DGKB: variants seen among roughly 807,000 people sequenced by gnomAD.
The protein encoded by DGKB is diacylglycerol kinase beta.
DGKB carries 67 observed loss-of-function variants against 114.3 expected under a neutral mutation model. That is an observed-to-expected ratio of 0.59 (90% CI 0.48 to 0.72). The LOEUF is 0.72. Among genes scored for constraint, DGKB ranks in the 30% least tolerant of loss-of-function variants. DGKB has a pLI of 0.00. For missense variants in DGKB, 907 were observed against 975.2 expected (o/e 0.93, Z 0.93); for synonymous variants, 398 against 323.1 (o/e 1.23, Z -2.49).
chr7:14,861,602 C>G (rs1337767842), intron 1 of DGKB, among the ~76,000 whole-genome samples: 1 of 151,878 alleles, frequency 6.6e-6, no homozygotes, highest in African/African-American at 2.4e-5. Flanking sequence ...GTTTGCCTGT[C>G]TCTTAAAGCA....
intron 5 of DGKB, among the ~76,000 whole-genome samples, chr7:14,724,804 T>C (rs377072048): frequency 6.6e-6 from 1 of 152,182 alleles, no homozygotes; most frequent in Non-Finnish European, 1.5e-5. Flanking sequence ...AGACAAATCA[T>C]CTCATTCCAA....
intron 25 of DGKB, among the ~76,000 whole-genome samples, chr7:14,168,996 G>A (rs1236994331): frequency 6.6e-6 from 1 of 152,010 alleles, no homozygotes; most frequent in Non-Finnish European, 1.5e-5. Flanking sequence ...ATTAATTCAG[G>A]CAATCTGACT....
chr7:14,776,831 G>A (rs1364787664), intron 2 of DGKB, among the ~76,000 whole-genome samples: 1 of 152,212 alleles, frequency 6.6e-6, no homozygotes, highest in Non-Finnish European at 1.5e-5. Flanking sequence ...GCTGCGAGAA[G>A]TGTGCCACCA....
chr7:14,340,160 T>C (rs1454735383), intron 22 of DGKB, among the ~76,000 whole-genome samples: 1 of 25,660 alleles, frequency 3.9e-5, no homozygotes, highest in Non-Finnish European at 7.2e-5. Context: ...TGGATGATGC[T>C]TTTTTTTTTT....
chr7:14,304,145 A>T (rs1442759324), intron 23 of DGKB, among the ~76,000 whole-genome samples: 1 of 151,138 alleles, frequency 6.6e-6, no homozygotes, highest in Non-Finnish European at 1.5e-5. Flanking sequence ...TTTCTCAAAA[A>T]TAACAAATCA....
intron 21 of DGKB, among the ~76,000 whole-genome samples, chr7:14,438,316 G>A (rs1488332418): frequency 6.6e-6 from 1 of 152,100 alleles, no homozygotes; most frequent in Non-Finnish European, 1.5e-5. Context: ...AGAGAGCAAA[G>A]CTAGTCAGTT....
At chr7:14,545,176 TA>T (rs1464270329) in intron 20 of DGKB, among the ~76,000 whole-genome samples, 3 of 152,022 alleles carry the variant, frequency 2.0e-5, no homozygotes, top group Non-Finnish European at 4.4e-5. Context: ...TAAGGCACCC[TA>T]AAAAAATGTT....
At chr7:14,718,999 T>A (rs2128351442) in intron 5 of DGKB, 1 of 195,000 alleles carries the variant, frequency 5.1e-6, no homozygotes, top group Non-Finnish European at 1.0e-5. Flanking sequence ...CCTATTCCAC[T>A]TTTCTGTGCT....
In DGKB at chr7:14,345,443, T is replaced by A. The variant is rs938163398; in HGVS notation, c.1836-52A>T. 5.2e-6 allele frequency: 5 copies of A among 961,634 alleles called. No individual in the cohort carries two copies. In the Admixed American group the frequency reaches 1.1e-4, roughly 22 times the overall value. 59.6% of individuals were successfully genotyped at this position (961,634 alleles called of 1,614,324 possible). On this transcript the variant is annotated intron_variant, in intron 21 of 25. Transcript: ENST00000402815. ...TAGGCAATTATCAATAACAGAGGGA[T>A]CTTTTAAAAAATGGTCTAACTCTGT...
intron 20 of DGKB, among the ~76,000 whole-genome samples, chr7:14,523,510 T>C (rs1790124134): frequency 6.6e-6 from 1 of 152,148 alleles, no homozygotes; most frequent in African/African-American, 2.4e-5. Context: ...TTCCATACAG[T>C]AAGCTCAGGA....
intron 20 of DGKB, among the ~76,000 whole-genome samples, chr7:14,512,161 G>C (rs887118975): frequency 2.6e-5 from 4 of 152,178 alleles, no homozygotes; most frequent in Non-Finnish European, 4.4e-5. Flanking sequence ...AAAAAGCACA[G>C]TGTCTGTAAA....
At chr7:14,170,140 A>AG (rs1490728181) in intron 25 of DGKB, among the ~76,000 whole-genome samples, 3 of 123,892 alleles carry the variant, frequency 2.4e-5, no homozygotes, top group Non-Finnish European at 3.3e-5. Flanking sequence ...ATCTCAAAAA[A>AG]AAAAAAAAGA....
intron 1 of DGKB, among the ~76,000 whole-genome samples, chr7:14,948,802 G>C (rs1411522825): frequency 6.6e-6 from 1 of 151,662 alleles, no homozygotes; most frequent in African/African-American, 2.4e-5. Flanking sequence ...GTTAATATCA[G>C]ACTTCTCAAC....
intron 16 of DGKB, 138 bp downstream of exon 16, chr7:14,613,202 T>G (rs1585112835): frequency 1.7e-6 from 1 of 594,742 alleles, no homozygotes; most frequent in East Asian, 2.8e-5. Flanking sequence ...CATATAAACA[T>G]ATTAAATGCT....
intron 1 of DGKB, among the ~76,000 whole-genome samples, chr7:14,931,913 A>C (rs1785038689): frequency 6.6e-6 from 1 of 152,068 alleles, no homozygotes; most frequent in African/African-American, 2.4e-5. Context: ...CACTTCTCAG[A>C]ACTGGCTGCA....
At chr7:14,810,999 G>A (rs573993777) in intron 2 of DGKB, among the ~76,000 whole-genome samples, 3 of 152,068 alleles carry the variant, frequency 2.0e-5, no homozygotes, top group Non-Finnish European at 2.9e-5. Flanking sequence ...ATAGCCATGT[G>A]TGGCTAGTGG....
At chr7:14,271,823 G>A (rs1584854805) in intron 23 of DGKB, among the ~76,000 whole-genome samples, 1 of 152,270 alleles carries the variant, frequency 6.6e-6, no homozygotes, top group Non-Finnish European at 1.5e-5. Flanking sequence ...TGCCAAGGGG[G>A]CGAGGGTACA....
chr7:14,692,499 C>A lies in DGKB; in HGVS notation c.711+1576G>T, dbSNP rs376056677. Among the ~76,000 whole-genome samples the A allele has an allele frequency of 6.1e-4, 92 of 151,806 alleles. 1 individual carries two copies. The South Asian group carries it at 0.013, about 21-fold the overall frequency. On this transcript the variant is annotated intron_variant, in intron 9 of 25. Transcript: ENST00000402815. ...TGTCAATTTTTCTTTTGTTTTCTCC[C>A]AGTAGTCTGATTTACATAATGGTTT...
rs147645553 is a variant in DGKB at position 14,203,052 on chromosome 7, G to A, written c.2123-24901C>T. ...AATGAATGCTCGTCTACAATTAAGC[G>A]ATTCAGTCAACATTTTAAAAAAAGG... On this transcript the variant is annotated intron_variant, in intron 23 of 25. Coordinates refer to ENST00000402815, the MANE Select transcript of DGKB (RefSeq NM_001350709.2). Among the ~76,000 whole-genome samples the A allele has an allele frequency of 2.9e-4, 42 of 145,766 alleles. No individual in the cohort carries two copies. The East Asian group carries it at 7.8e-3, about 27-fold the overall frequency.
Sources: allele counts gnomAD v4.1 joint callset (sites outside exome capture counted in the v4.1 genomes callset), GRCh38; gene constraint gnomAD v4.1.1; transcripts MANE v1.5; gene names NCBI Gene and HGNC (gene_info 2026-07-23, HGNC 2026-07-21).